MBOAT7: variants seen among roughly 807,000 people sequenced by gnomAD.
MBOAT7 encodes membrane bound acylglycerophosphatidylinositol O-acyltransferase MBOAT7.
MBOAT7 carries 40 observed loss-of-function variants against 47.4 expected under a neutral mutation model. That is an observed-to-expected ratio of 0.84 (90% CI 0.66 to 1.10). MBOAT7 has a LOEUF of 1.10. Ranked by LOEUF, MBOAT7 falls within the 50% of genes least tolerant of loss-of-function variation. MBOAT7 has a pLI of 0.00. For missense variants in MBOAT7, 680 were observed against 655.6 expected, an observed-to-expected ratio of 1.04 and a Z score of -0.41; for synonymous variants, 361 against 292.0, an observed-to-expected ratio of 1.24 and a Z score of -2.41.
In MBOAT7 at chr19:54,181,056, G is replaced by T; in HGVS notation, c.571C>A (p.Leu191Met). The change falls in exon 6 of 8, where the codon CTG becomes ATG. Residue 191 changes from leucine to methionine, a missense_variant. Transcript: ENST00000245615. ...FPGAVPSLRP[L>M]LRRAWPAPLF... The stretch of plus-strand genomic sequence containing the variant: ...GGGGCCGGCCAGGCGCGGCGCAGCA[G>T]GGGCCGCAGGCTGGGCACTGCCCCG... 6.5e-7 allele frequency: 1 copy of T among 1,542,268 alleles called. No individual in the cohort carries two copies. Among genetic ancestry groups the T allele is most frequent in the South Asian group, 1.2e-5 (1 of 83,004 alleles).
chr19:54,176,442 C>T (rs115762818), intron 7 of MBOAT7, among the ~76,000 whole-genome samples: 1,813 of 152,148 alleles, frequency 0.012, 48 homozygotes, highest in East Asian at 0.12. Context: ...CCTATAATCC[C>T]AGCTACTAGG....
intron 7 of MBOAT7, among the ~76,000 whole-genome samples, chr19:54,175,129 C>G (rs991115664): frequency 1.3e-5 from 2 of 152,094 alleles, no homozygotes; most frequent in South Asian, 2.1e-4. Flanking sequence ...GCGCCTGCCA[C>G]CACGCCCGGC....
intron 3 of MBOAT7, among the ~76,000 whole-genome samples, 184 bp downstream of exon 3, chr19:54,188,033 G>GAA (rs1555842486): frequency 8.7e-5 from 6 of 68,662 alleles, no homozygotes; most frequent in African/African-American, 2.7e-4. Flanking sequence ...AAGAAAGAAA[G>GAA]AAAGAAAGAA....
chr19:54,178,611 ATAAT>A, intron 7 of MBOAT7, 150 bp downstream of exon 7: 7 of 1,431,056 alleles, frequency 4.9e-6, no homozygotes, highest in Non-Finnish European at 6.4e-6. Context: ...TGCTGCCACT[ATAAT>A]TAGAGGCAGG....
At chr19:54,188,067 AAG>A (rs530819793) in intron 3 of MBOAT7, 148 bp downstream of exon 3, 3 of 234,372 alleles carry the variant, frequency 1.3e-5, no homozygotes, top group South Asian at 8.3e-5. Flanking sequence ...GAAAGAAAGA[AAG>A]ACAAACAAAC....
chr19:54,185,188 G>A (rs933436270), intron 4 of MBOAT7, among the ~76,000 whole-genome samples: 1 of 152,132 alleles, frequency 6.6e-6, no homozygotes, highest in African/African-American at 2.4e-5. Context: ...CTGGGCAACA[G>A]AGCGAGACTC....
intron 7 of MBOAT7, chr19:54,178,520 T>G: frequency 7.1e-7 from 1 of 1,417,660 alleles, no homozygotes; most frequent in Non-Finnish European, 9.2e-7. Context: ...CAGGACTCAG[T>G]ACATTGCTTC....
At chr19:54,188,039 AAG>A (rs1335225721) in intron 3 of MBOAT7, among the ~76,000 whole-genome samples, 176 bp downstream of exon 3, 2 of 55,120 alleles carry the variant, frequency 3.6e-5, no homozygotes, top group African/African-American at 9.3e-5. Context: ...GAAAGAAAGA[AAG>A]AAAGAAAGAA....
At chr19:54,184,903 T>TTAAA (rs2076389818) in intron 4 of MBOAT7, among the ~76,000 whole-genome samples, 1 of 77,282 alleles carries the variant, frequency 1.3e-5, no homozygotes, top group Admixed American at 1.7e-4. Context: ...AAACTCCGTC[T>TTAAA]CAAAAAAAAA....
In MBOAT7 at chr19:54,179,219, G is replaced by A. The variant is rs1192076020; in HGVS notation, c.855-278C>T. ...CGCCACAGCCATGAAAAGCCTTGAAGGGCTATGGTTGCTAAGCTATGAGTC... is the reference window on the plus strand; with the variant it reads ...CGCCACAGCCATGAAAAGCCTTGAAAGGCTATGGTTGCTAAGCTATGAGTC... On this transcript the variant is annotated intron_variant, in intron 6 of 7. Coordinates refer to ENST00000245615, the MANE Select transcript of MBOAT7 (RefSeq NM_024298.5). 46 of 549,816 alleles carry A rather than the reference G, an allele frequency of 8.4e-5. 1 individual carries two copies. The East Asian group carries it at 1.2e-3, about 15-fold the overall frequency. 34.1% of individuals were successfully genotyped at this position (549,816 alleles called of 1,614,324 possible).
chr19:54,183,778 T>C (rs540705751), intron 4 of MBOAT7, 98 bp from the exon 5 acceptor site: 137 of 1,261,954 alleles, frequency 1.1e-4, no homozygotes, highest in Non-Finnish European at 1.4e-4. Context: ...CAAGGGGTGC[T>C]GGGTGCCCGC....
chr19:54,185,524 G>A (rs551630280), intron 4 of MBOAT7, among the ~76,000 whole-genome samples: 3 of 152,116 alleles, frequency 2.0e-5, no homozygotes, highest in African/African-American at 4.8e-5. Context: ...CTAAATGCGC[G>A]TTTCCTGCTG....
Position 54,180,830 on chromosome 19 carries a change from A to G in MBOAT7, c.797T>C (p.Val266Ala). 6.4e-7 allele frequency: 1 copy of G among 1,572,214 alleles called. No homozygotes were observed. Among genetic ancestry groups the G allele is most frequent in the Non-Finnish European group, 8.6e-7 (1 of 1,162,614 alleles). ...CIAAGFGAYP[V>A]AAKARAGGGP... Reference sequence around the variant, plus strand: ...GCCTCCGGCCCGGGCTTTGGCGGCCACGGGGTAGGCCCCAAAGCCGGCGGC... The same window carrying G: ...GCCTCCGGCCCGGGCTTTGGCGGCCGCGGGGTAGGCCCCAAAGCCGGCGGC... The change falls in exon 6 of 8, where the codon GTG (valine) becomes GCG (alanine). Residue 266 changes from valine to alanine, a missense_variant. Coordinates refer to ENST00000245615, the MANE Select transcript of MBOAT7 (RefSeq NM_024298.5). The surrounding 1 kb of genome is among the most constrained non-coding windows in gnomAD (Gnocchi z 5.2).
At position 54,180,840 on chromosome 19, in the gene MBOAT7, C is replaced by A. The variant is rs890215020; in HGVS notation, c.787G>T (p.Ala263Ser). 1 of 1,576,608 alleles carries A rather than the reference C, an allele frequency of 6.3e-7. No individual in the cohort carries two copies. Among genetic ancestry groups the A allele is most frequent in the African/African-American group, 1.3e-5 (1 of 74,696 alleles). ...ECGCIAAGFG[A>S]YPVAAKARAG... ...CGGGCTTTGGCGGCCACGGGGTAGG[C>A]CCCAAAGCCGGCGGCAATGCAGCCG... Residue 263 changes from alanine to serine, a missense_variant, in exon 6 of 8, where the codon GCC (alanine) becomes TCC (serine). Ala to Ser is a moderately conservative substitution (Grantham distance 99, BLOSUM62 1). Coordinates refer to ENST00000245615, the MANE Select transcript of MBOAT7 (RefSeq NM_024298.5). This position sits in a 1 kb window ranked among gnomAD's most constrained non-coding sequence, Gnocchi z 5.2.
At chr19:54,177,135 G>A (rs1273942650) in intron 7 of MBOAT7, among the ~76,000 whole-genome samples, 2 of 98,160 alleles carry the variant, frequency 2.0e-5, no homozygotes, top group Non-Finnish European at 4.3e-5. Flanking sequence ...ACTCCATCCT[G>A]GGTGACAGAG....
At chr19:54,182,011 G>T in intron 5 of MBOAT7, among the ~76,000 whole-genome samples, 1 of 137,646 alleles carries the variant, frequency 7.3e-6, no homozygotes, top group African/African-American at 2.7e-5. Flanking sequence ...GGGAAGGAGG[G>T]AAGGAAGGAG....
In MBOAT7 at chr19:54,183,544, T is replaced by C; in HGVS notation, c.470A>G (p.Tyr157Cys). 5 of 1,608,050 alleles carry C rather than the reference T, an allele frequency of 3.1e-6. No homozygotes were observed. Among genetic ancestry groups the C allele is most frequent in the Non-Finnish European group, 3.4e-6 (4 of 1,177,482 alleles). Residue 157 changes from tyrosine to cysteine, a missense_variant, in exon 5 of 8, where the codon TAC becomes TGC. Transcript: ENST00000245615. Reference sequence around the variant, plus strand: ...ACCTGTCATGATTCCCACGTAGCAGTAGCTGTAGCTGAGTGTCTCCATCAG... The same window carrying C: ...ACCTGTCATGATTCCCACGTAGCAGCAGCTGTAGCTGAGTGTCTCCATCAG... The part of the protein sequence containing the change: ...PSLMETLSYS[Y>C]CYVGIMTGPF...
intron 4 of MBOAT7, 53 bp from the exon 5 acceptor site, chr19:54,183,733 A>G: frequency 6.8e-7 from 1 of 1,478,350 alleles, no homozygotes; most frequent in Non-Finnish European, 9.0e-7. Context: ...GCCCTTCCCC[A>G]CACCCATCTC....
intron 7 of MBOAT7, among the ~76,000 whole-genome samples, chr19:54,175,239 A>T (rs1209587719): frequency 1.3e-5 from 2 of 152,010 alleles, no homozygotes; most frequent in African/African-American, 2.4e-5. Context: ...TGGCCTCCCA[A>T]AGTGCTGGGA....
Sources: gnomAD v4.1 joint callset for allele counts (sites outside exome capture counted in the v4.1 genomes callset) on GRCh38, gnomAD v4.1.1 for gene constraint, Gnocchi (gnomAD v3.1) non-coding constraint, MANE v1.5 for transcripts, NCBI Gene and HGNC (gene_info 2026-07-23, HGNC 2026-07-21) for gene names.